Variants in CACNB4 observed in about 807,000 individuals in gnomAD.
CACNB4 encodes voltage-dependent L-type calcium channel subunit beta-4.
In CACNB4, 32 loss-of-function variants were observed where a neutral mutation model predicts 71.2. The observed-to-expected ratio is 0.45, with a 90% CI of 0.34 to 0.60. CACNB4 has a LOEUF of 0.60. Ranked by LOEUF, CACNB4 falls within the 20% of genes least tolerant of loss-of-function variation. The pLI is 0.01. For synonymous variants in CACNB4, 231 were observed against 236.9 expected, an observed-to-expected ratio of 0.97 and a Z score of 0.23; for missense variants, 464 against 647.9, an observed-to-expected ratio of 0.72 and a Z score of 3.08.
chr2:151,871,934 T>G (rs2099844741), intron 6 of CACNB4: 1 of 161,512 alleles, frequency 6.2e-6, no homozygotes, highest in Non-Finnish European at 1.3e-5. Flanking sequence ...CTTGGCTGTC[T>G]GCTGTCCAAA....
chr2:151,870,308 G>GT, intron 8 of CACNB4: 1 of 703,312 alleles, frequency 1.4e-6, no homozygotes, highest in Non-Finnish European at 2.6e-6. Context: ...TTTGAGGGAG[G>GT]TATTTCTAAA....
At chr2:152,023,201 C>T (rs1683771125) in intron 2 of CACNB4, among the ~76,000 whole-genome samples, 1 of 151,902 alleles carries the variant, frequency 6.6e-6, no homozygotes, top group African/African-American at 2.4e-5. Flanking sequence ...CATCAGATCT[C>T]GTGATAACTC....
intron 2 of CACNB4, among the ~76,000 whole-genome samples, chr2:152,051,203 C>A (rs1429616408): frequency 3.3e-5 from 5 of 152,190 alleles, no homozygotes; most frequent in Non-Finnish European, 7.3e-5. Context: ...GACCGCCCCC[C>A]ATCCCTACCC....
intron 2 of CACNB4, among the ~76,000 whole-genome samples, chr2:151,980,411 T>C (rs1383804294): frequency 6.6e-6 from 1 of 152,198 alleles, no homozygotes; most frequent in African/African-American, 2.4e-5. Flanking sequence ...TTGTTGCTTC[T>C]GAGCCCCTTG....
chr2:152,084,467 G>T (rs1340450890), intron 2 of CACNB4, among the ~76,000 whole-genome samples: 2 of 152,210 alleles, frequency 1.3e-5, no homozygotes, highest in Non-Finnish European at 2.9e-5. Flanking sequence ...CACACGTTAA[G>T]ACACTTACTG....
chr2:151,854,411 T>C (rs937146751), intron 11 of CACNB4: 1 of 152,214 alleles, frequency 6.6e-6, no homozygotes, highest in Non-Finnish European at 1.5e-5. Context: ...TCAGAACATC[T>C]GGAGGAGAGT....
intron 2 of CACNB4, chr2:151,973,373 C>T: frequency 2.7e-6 from 1 of 377,214 alleles, no homozygotes; most frequent in East Asian, 4.5e-5. Flanking sequence ...CTGCAAGGAG[C>T]AGTTACCCCT....
intron 2 of CACNB4, among the ~76,000 whole-genome samples, chr2:152,052,669 T>G (rs1319026739): frequency 6.6e-6 from 1 of 152,186 alleles, no homozygotes; most frequent in South Asian, 2.1e-4. Flanking sequence ...TGCCAAATAA[T>G]ATTCTATTGT....
chr2:151,873,247 C>CT (rs2099845084), intron 5 of CACNB4: 2 of 152,168 alleles, frequency 1.3e-5, no homozygotes, highest in African/African-American at 4.8e-5. Context: ...TAGGACATAT[C>CT]AGTACAGGTT....
At chr2:152,023,202 G>A (rs940343646) in intron 2 of CACNB4, among the ~76,000 whole-genome samples, 6 of 152,074 alleles carry the variant, frequency 3.9e-5, no homozygotes, top group Admixed American at 2.0e-4. Flanking sequence ...ATCAGATCTC[G>A]TGATAACTCA....
At position 152,007,180 on chromosome 2, in the gene CACNB4, A is replaced by G. The variant is rs539205175; in HGVS notation, c.147+91150T>C. 2.6e-5 allele frequency among the ~76,000 whole-genome samples: 4 copies of G among 152,208 alleles called. No homozygotes were observed. In the East Asian group the frequency reaches 7.7e-4, roughly 29 times the overall value. ...TTTTTGTGTATGTGCCTTTTTTTTA[A>G]CCATTTTTCAAATCATGGGAAAATA... On this transcript the variant is annotated intron_variant, in intron 2 of 13. Transcript: ENST00000539935.
intron 10 of CACNB4, among the ~76,000 whole-genome samples, chr2:151,855,593 C>G (rs1454912061): frequency 1.3e-5 from 2 of 152,158 alleles, no homozygotes; most frequent in Admixed American, 6.5e-5. Flanking sequence ...AGATGGCTCT[C>G]TTAATTTGCT....
intron 2 of CACNB4, among the ~76,000 whole-genome samples, chr2:152,051,542 C>A (rs557617971): frequency 6.6e-6 from 1 of 152,196 alleles, no homozygotes; most frequent in Non-Finnish European, 1.5e-5. Context: ...TAGCGTCCTT[C>A]TAAGAAGAGA....
chr2:152,042,100 T>C (rs1165336291), intron 2 of CACNB4, among the ~76,000 whole-genome samples: 4 of 152,194 alleles, frequency 2.6e-5, no homozygotes, highest in South Asian at 4.1e-4. Context: ...AACAATACTC[T>C]ATCTCCCCAG....
In CACNB4 at chr2:152,098,445, C is replaced by A; in HGVS notation, c.64-32G>T. ...TCGACACACGGGGGCCAGAGAGAAG[C>A]CGGTGAGGACCGCAGCGCAGAGCGG... is the stretch of plus-strand genomic sequence containing the variant. On this transcript the variant is annotated intron_variant, in intron 1 of 13. Coordinates refer to ENST00000539935, the MANE Select transcript of CACNB4 (RefSeq NM_000726.5). The surrounding 1 kb of genome is among the most constrained non-coding windows in gnomAD (Gnocchi z 5.3). 1 of 1,570,340 alleles carries A rather than the reference C, an allele frequency of 6.4e-7. No homozygotes were observed. The highest frequency in any genetic ancestry group is 1.3e-5 in the African/African-American group (1 of 74,208).
intron 2 of CACNB4, among the ~76,000 whole-genome samples, chr2:151,956,053 T>A (rs57193738): frequency 0.092 from 14,004 of 152,262 alleles, 1,551 homozygotes; most frequent in East Asian, 0.57. Context: ...CATTGCTTAC[T>A]CGTACAAACT....
intron 2 of CACNB4, among the ~76,000 whole-genome samples, chr2:151,986,600 A>G (rs1681383158): frequency 6.6e-6 from 1 of 152,206 alleles, no homozygotes; most frequent in Non-Finnish European, 1.5e-5. Context: ...TCAACCTCAT[A>G]TAACCTGGAC....
intron 2 of CACNB4, among the ~76,000 whole-genome samples, chr2:151,991,408 A>C (rs1014083945): frequency 5.9e-5 from 9 of 152,208 alleles, no homozygotes; most frequent in African/African-American, 1.9e-4. Flanking sequence ...AAATCTCTTT[A>C]CATGTTTTTC....
At chr2:151,906,147 G>A (rs77572835) in intron 2 of CACNB4, among the ~76,000 whole-genome samples, 1,608 of 152,248 alleles carry the variant, frequency 0.011, 28 homozygotes, top group African/African-American at 0.035. Flanking sequence ...GTTGAGGGAC[G>A]CTACATCAAC....
Sources: allele counts gnomAD v4.1 joint callset (sites outside exome capture counted in the v4.1 genomes callset), GRCh38; gene constraint gnomAD v4.1.1; non-coding constraint Gnocchi (gnomAD v3.1); transcripts MANE v1.5; gene names NCBI Gene and HGNC (gene_info 2026-07-23, HGNC 2026-07-21).